Variants in RECQL observed in about 807,000 individuals in gnomAD.
RECQL encodes the protein RecQ like helicase, also known as ATP-dependent DNA helicase Q1.
In RECQL, 73 loss-of-function variants were observed where a neutral mutation model predicts 75.8. The observed-to-expected ratio is 0.96, with a 90% CI of 0.80 to 1.17. The LOEUF (loss-of-function observed/expected upper bound fraction) is 1.17, where lower values mean the gene tolerates loss of function less well. RECQL is among the 50% of genes most tolerant of loss of function. The pLI, the probability that RECQL is intolerant of heterozygous loss-of-function variation, is 0.00. For missense variants in RECQL, 699 were observed against 772.1 expected, an observed-to-expected ratio of 0.91 and a Z score of 1.12; for synonymous variants, 248 against 254.4, an observed-to-expected ratio of 0.97 and a Z score of 0.24.
At position 21,481,869 on chromosome 12, in the gene RECQL, G is replaced by A. The variant is rs557352131; in HGVS notation, c.700+1507C>T. Among the ~76,000 whole-genome samples, 25 of 152,090 alleles carry A rather than the reference G, an allele frequency of 1.6e-4. No homozygotes were observed. The South Asian group carries it at 3.7e-3, about 23-fold the overall frequency. ...GGAGTAGAATGTGGCAAGGTGAGAG[G>A]TGAATATATAAAATGTTACTGAAGT... On this transcript the variant is annotated intron_variant, in intron 6 of 14. Transcript: ENST00000444129.
At chr12:21,481,794 G>A (rs185382286) in intron 6 of RECQL, among the ~76,000 whole-genome samples, 1 of 152,034 alleles carries the variant, frequency 6.6e-6, no homozygotes, top group African/African-American at 2.4e-5. Context: ...AGCGAAGGAG[G>A]TGAGAATGGA....
chr12:21,497,621 C>T (rs914764570), intron 2 of RECQL, among the ~76,000 whole-genome samples: 2 of 152,210 alleles, frequency 1.3e-5, no homozygotes, highest in African/African-American at 4.8e-5. Context: ...ATAGACCTCT[C>T]TGAATGGTCA....
chr12:21,484,754 G>GATAT (rs34914517), intron 5 of RECQL, among the ~76,000 whole-genome samples: 77 of 149,306 alleles, frequency 5.2e-4, no homozygotes, highest in South Asian at 1.3e-3. Flanking sequence ...TATACATATT[G>GATAT]ATATATATAT....
In RECQL at chr12:21,469,131, T is replaced by C; in HGVS notation, c.*1063A>G. On this transcript the variant is annotated 3_prime_UTR_variant, in exon 15 of 15. Coordinates refer to ENST00000444129, the MANE Select transcript of RECQL (RefSeq NM_002907.4). Reference sequence around the variant, plus strand: ...GTGAAATGTCAAAATATGGCTATGGTTTCAGGAACTTTAAAATCGGTTGTA... The same window carrying C: ...GTGAAATGTCAAAATATGGCTATGGCTTCAGGAACTTTAAAATCGGTTGTA... 6.0e-6 allele frequency: 1 copy of C among 165,814 alleles called. No individual in the cohort carries two copies. Among genetic ancestry groups the C allele is most frequent in the East Asian group, 1.7e-4 (1 of 5,832 alleles). The allele number at this position is 165,814 out of a possible 1,614,324, so 10.3% of individuals were successfully genotyped here. A position where few individuals can be genotyped will look rare whatever the true frequency, so the allele number is the denominator to read the frequency against.
At chr12:21,477,090 G>C in intron 7 of RECQL, 98 bp from the exon 8 acceptor site, 1 of 774,410 alleles carries the variant, frequency 1.3e-6, no homozygotes. Context: ...CATGACCATA[G>C]TGTTTTTTTT....
chr12:21,495,412 T>A (rs531816241), intron 2 of RECQL, among the ~76,000 whole-genome samples: 1 of 152,118 alleles, frequency 6.6e-6, no homozygotes, highest in South Asian at 2.1e-4. Context: ...CTGGCTAACA[T>A]GGTGAAACCC....
intron 4 of RECQL, 52 bp downstream of exon 4, chr12:21,490,147 G>A (rs1031619091): frequency 4.0e-6 from 4 of 991,478 alleles, no homozygotes; most frequent in Non-Finnish European, 6.0e-6. Flanking sequence ...AATTAAAAAG[G>A]TATGATGACA....
chr12:21,471,522 C>T lies in RECQL; in HGVS notation c.1573G>A (p.Ala525Thr), dbSNP rs2137316452. 6.2e-7 allele frequency: 1 copy of T among 1,612,584 alleles called. No homozygotes were observed. Among genetic ancestry groups the T allele is most frequent in the Non-Finnish European group, 8.5e-7 (1 of 1,179,252 alleles). The change falls in exon 13 of 15, where the codon GCA becomes ACA. Residue 525 changes from alanine to threonine, a missense_variant. This residue lies in a region of RECQL where 669 missense variants were observed against 713.5 expected (regional missense o/e 0.94). Coordinates refer to ENST00000444129, the MANE Select transcript of RECQL (RefSeq NM_002907.4). ...LIDSWMGKGA[A>T]KLRVAGVVAP... ...ACAACACCTGCTACTCTCAGTTTTG[C>T]TGCACCCTTTCCCATCCAAGAATCA... is the stretch of plus-strand genomic sequence containing the variant.
chr12:21,471,873 TA>T (rs1029655460), intron 12 of RECQL, among the ~76,000 whole-genome samples: 2 of 151,394 alleles, frequency 1.3e-5, no homozygotes, highest in South Asian at 4.2e-4. Flanking sequence ...GTGATATATA[TA>T]AAAAAAAATT....
intron 2 of RECQL, among the ~76,000 whole-genome samples, chr12:21,496,399 T>C (rs1022143351): frequency 1.3e-5 from 2 of 152,240 alleles, no homozygotes; most frequent in African/African-American, 4.8e-5. Flanking sequence ...TATAGCACAG[T>C]AAAAGCAGTT....
chr12:21,485,933 A>G (rs1259179551), intron 5 of RECQL, among the ~76,000 whole-genome samples: 1 of 152,226 alleles, frequency 6.6e-6, no homozygotes, highest in African/African-American at 2.4e-5. Context: ...ATTCCTAAAT[A>G]CAAGAAATTC....
At chr12:21,484,842 T>TA (rs537705056) in intron 5 of RECQL, among the ~76,000 whole-genome samples, 1 of 151,908 alleles carries the variant, frequency 6.6e-6, no homozygotes, top group East Asian at 1.9e-4. Context: ...AAGAAAACCT[T>TA]AAAAATCTTG....
intron 3 of RECQL, 29 bp downstream of exon 3, chr12:21,491,490 C>G: frequency 1.4e-6 from 2 of 1,412,858 alleles, no homozygotes; most frequent in South Asian, 1.3e-5. Context: ...AGAAATAAAA[C>G]TAGCAAAAAA....
intron 2 of RECQL, 86 bp downstream of exon 2, chr12:21,499,469 C>A: frequency 8.0e-7 from 1 of 1,245,498 alleles, no homozygotes; most frequent in South Asian, 1.4e-5. Flanking sequence ...TTTCTATAAT[C>A]AGAATTTTTA....
chr12:21,472,599 A>G (rs201895688), intron 12 of RECQL, among the ~76,000 whole-genome samples: 1 of 152,034 alleles, frequency 6.6e-6, no homozygotes, highest in Non-Finnish European at 1.5e-5. Context: ...GTAAACTGTC[A>G]TGGTGCTAGT....
intron 2 of RECQL, among the ~76,000 whole-genome samples, chr12:21,492,238 A>G (rs572279070): frequency 2.6e-5 from 4 of 152,224 alleles, no homozygotes; most frequent in Non-Finnish European, 4.4e-5. Flanking sequence ...ATTATAAACA[A>G]GAGGATGTAA....
At chr12:21,479,746 C>A (rs544518266) in intron 6 of RECQL, among the ~76,000 whole-genome samples, 4 of 152,014 alleles carry the variant, frequency 2.6e-5, no homozygotes, top group African/African-American at 9.6e-5. Context: ...TGAAGGAAAA[C>A]CAGTTAAAAG....
chr12:21,472,895 CCTTTT>C (rs1170197097), intron 12 of RECQL, among the ~76,000 whole-genome samples: 12 of 152,166 alleles, frequency 7.9e-5, no homozygotes, highest in South Asian at 6.2e-4. Context: ...ACATGGTTTC[CCTTTT>C]CTTATAGAAT....
Position 21,473,593 on chromosome 12 carries a change from C to T in RECQL, c.1405G>A (p.Glu469Lys), listed in dbSNP as rs1565563223. The T allele has an allele frequency of 6.2e-7, 1 of 1,612,942 alleles. No homozygotes were observed. Among genetic ancestry groups the T allele is most frequent in the Non-Finnish European group, 8.5e-7 (1 of 1,179,288 alleles). The change falls in exon 12 of 15, where the codon GAA (glutamate) becomes AAA (lysine). Residue 469 changes from glutamate (E) to lysine (K), a missense_variant. Transcript: ENST00000444129. ...TTATCGCACATTTTGTTACATGCTTCTGAGTTCCATACTTCATCAAAATGT... is the reference window on the plus strand; with the variant it reads ...TTATCGCACATTTTGTTACATGCTTTTGAGTTCCATACTTCATCAAAATGT... The part of the protein sequence containing the change: ...AQHFDEVWNS[E>K]ACNKMCDNCC...
Sources: allele counts gnomAD v4.1 joint callset (sites outside exome capture counted in the v4.1 genomes callset), GRCh38; gene constraint gnomAD v4.1.1; regional missense constraint gnomAD v4.1.1; transcripts MANE v1.5; gene names NCBI Gene and HGNC (gene_info 2026-07-23, HGNC 2026-07-21).